The following AUTS2 variants were observed in gnomAD, a reference collection of about 807,000 sequenced individuals.
AUTS2 encodes the protein autism susceptibility gene 2 protein.
Under a neutral mutation model 112.4 loss-of-function variants are expected in AUTS2, and 17 were observed. That is an observed-to-expected ratio of 0.15 (90% confidence interval 0.10 to 0.23). The LOEUF (loss-of-function observed/expected upper bound fraction) is 0.23. Among genes scored for constraint, AUTS2 ranks in the 10% least tolerant of loss-of-function variants. AUTS2 has a pLI of 1.00. For synonymous variants in AUTS2, 751 were observed against 702.7 expected (o/e 1.07, Z -1.09); for missense variants, 1,510 against 1,701.6 (o/e 0.89, Z 1.98).
Position 69,811,775 on chromosome 7 carries a change from T to A in AUTS2, c.310-87511T>A, listed in dbSNP as rs559479731. ...TTCCCCCAATGCATGTTGTTTTGCT[T>A]CTATTATAGCTCTTATCACAGTCTG... On this transcript the variant is annotated intron_variant, in intron 1 of 18. Transcript: ENST00000342771. 1.1e-4 allele frequency among the ~76,000 whole-genome samples: 16 copies of A among 152,282 alleles called. No individual in the cohort carries two copies. The East Asian group carries it at 3.1e-3, about 29-fold the overall frequency.
Position 70,329,589 on chromosome 7 carries a change from C to T in AUTS2, c.661-106163C>T, listed in dbSNP as rs549738473. 2.0e-5 allele frequency among the ~76,000 whole-genome samples: 3 copies of T among 149,636 alleles called. No individual in the cohort carries two copies. In the South Asian group the frequency reaches 6.4e-4, roughly 32 times the overall value. On this transcript the variant is annotated intron_variant, in intron 4 of 18. Coordinates refer to ENST00000342771, the MANE Select transcript of AUTS2 (RefSeq NM_015570.4). Reference sequence around the variant, plus strand: ...ATATTTTTTTTTAGAGAAATGTCTACTCAGGTTTTTTGCTCATTTTTCAAT... The same window carrying T: ...ATATTTTTTTTTAGAGAAATGTCTATTCAGGTTTTTTGCTCATTTTTCAAT...
At chr7:70,497,986 G>A (rs1409887444) in intron 5 of AUTS2, among the ~76,000 whole-genome samples, 1 of 152,230 alleles carries the variant, frequency 6.6e-6, no homozygotes, top group Non-Finnish European at 1.5e-5. Context: ...GAGTGAATGA[G>A]TAAAACACAT....
chr7:69,732,354 G>A (rs1261306622), intron 1 of AUTS2, among the ~76,000 whole-genome samples: 1 of 151,984 alleles, frequency 6.6e-6, no homozygotes, highest in African/African-American at 2.4e-5. Context: ...AACCCTACAT[G>A]AGGAAGTAAA....
At chr7:70,020,955 G>A (rs1424075353) in intron 2 of AUTS2, among the ~76,000 whole-genome samples, 2 of 152,124 alleles carry the variant, frequency 1.3e-5, no homozygotes, top group Non-Finnish European at 2.9e-5. Flanking sequence ...ATAGGCATGA[G>A]CCACCATGCC....
intron 4 of AUTS2, among the ~76,000 whole-genome samples, chr7:70,188,425 G>T (rs937279864): frequency 6.6e-6 from 1 of 151,970 alleles, no homozygotes; most frequent in Non-Finnish European, 1.5e-5. Context: ...ATTTTCTCTC[G>T]TGTGTGAATA....
chr7:70,435,657 C>A (rs148019346), intron 4 of AUTS2, 95 bp from the exon 5 acceptor site: 112 of 1,230,130 alleles, frequency 9.1e-5, no homozygotes, highest in Middle Eastern at 1.9e-4. Flanking sequence ...ACTTATCTTG[C>A]ACTTTTTTTG....
At chr7:70,666,714 T>C (rs1807368607) in intron 5 of AUTS2, among the ~76,000 whole-genome samples, 1 of 152,070 alleles carries the variant, frequency 6.6e-6, no homozygotes, top group Admixed American at 6.6e-5. Flanking sequence ...CACCTGCAGC[T>C]CCTCTCTCTT....
intron 1 of AUTS2, among the ~76,000 whole-genome samples, chr7:69,855,703 C>T (rs115513522): frequency 3.9e-5 from 6 of 152,044 alleles, no homozygotes; most frequent in African/African-American, 7.2e-5. Flanking sequence ...GGTTGTAGTC[C>T]GTATAACTGC....
At chr7:70,326,289 G>C (rs182767800) in intron 4 of AUTS2, among the ~76,000 whole-genome samples, 53 of 152,302 alleles carry the variant, frequency 3.5e-4, no homozygotes, top group African/African-American at 1.3e-3. Flanking sequence ...CTAGGGGCCT[G>C]ATTGGCCCTC....
intron 2 of AUTS2, among the ~76,000 whole-genome samples, chr7:69,951,487 A>C (rs1055755288): frequency 1.5e-4 from 23 of 152,186 alleles, no homozygotes; most frequent in African/African-American, 5.6e-4. Flanking sequence ...CTGAGGGTGG[A>C]TATGATGAGC....
intron 2 of AUTS2, among the ~76,000 whole-genome samples, chr7:70,076,183 T>G (rs1803021791): frequency 6.6e-6 from 1 of 152,238 alleles, no homozygotes; most frequent in Non-Finnish European, 1.5e-5. Context: ...TTTCTCTTTT[T>G]TTGGCGTAAA....
chr7:70,024,078 G>A (rs752028317), intron 2 of AUTS2, among the ~76,000 whole-genome samples: 14 of 152,178 alleles, frequency 9.2e-5, no homozygotes, highest in Admixed American at 9.2e-4. Flanking sequence ...GGTTACAAGG[G>A]TGTCATAGAA....
At chr7:70,787,126 A>T in intron 17 of AUTS2, 83 bp from the exon 18 acceptor site, 1 of 1,329,082 alleles carries the variant, frequency 7.5e-7, no homozygotes, top group Non-Finnish European at 1.1e-6. Flanking sequence ...GAATGCTGTT[A>T]AAAGTTTTTT....
At chr7:70,524,793 A>G (rs1799775026) in intron 5 of AUTS2, among the ~76,000 whole-genome samples, 1 of 152,252 alleles carries the variant, frequency 6.6e-6, no homozygotes, top group African/African-American at 2.4e-5. Context: ...TAACATCAAT[A>G]GGAATTGTTC....
At chr7:70,788,472 T>C (rs1791662695) in intron 18 of AUTS2, among the ~76,000 whole-genome samples, 1 of 152,200 alleles carries the variant, frequency 6.6e-6, no homozygotes, top group Admixed American at 6.5e-5. Flanking sequence ...GAGGAATGTT[T>C]ATGACATTCA....
At chr7:70,594,094 A>C (rs752799789) in intron 5 of AUTS2, among the ~76,000 whole-genome samples, 2 of 152,166 alleles carry the variant, frequency 1.3e-5, no homozygotes, top group Non-Finnish European at 2.9e-5. Context: ...CAGAAGAAGA[A>C]TACTATGCCT....
intron 2 of AUTS2, among the ~76,000 whole-genome samples, chr7:70,055,354 A>T (rs899481805): frequency 2.6e-5 from 4 of 152,164 alleles, no homozygotes; most frequent in African/African-American, 9.7e-5. Flanking sequence ...GAAGCGCTTG[A>T]ACCCAGGAGG....
intron 5 of AUTS2, among the ~76,000 whole-genome samples, chr7:70,632,443 C>A (rs1563089173): frequency 6.6e-6 from 1 of 151,904 alleles, no homozygotes; most frequent in Admixed American, 6.6e-5. Context: ...GAGGGTGGAC[C>A]CTGTGGCTTC....
intron 1 of AUTS2, among the ~76,000 whole-genome samples, chr7:69,729,969 G>GT (rs201092103): frequency 0.057 from 4,697 of 81,986 alleles, 106 homozygotes; most frequent in African/African-American, 0.1. Flanking sequence ...TAACTGGTAT[G>GT]TTTTTTTTTG....
Sources: allele counts gnomAD v4.1 joint callset (sites outside exome capture counted in the v4.1 genomes callset), GRCh38; gene constraint gnomAD v4.1.1; transcripts MANE v1.5; gene names NCBI Gene and HGNC (gene_info 2026-07-23, HGNC 2026-07-21).